The following ENOX1 variants were observed in gnomAD, a reference collection of about 807,000 sequenced individuals.
ENOX1 encodes ecto-NOX disulfide-thiol exchanger 1.
ENOX1 carries 42 observed loss-of-function variants against 82.5 expected under a neutral mutation model. The ratio of observed to expected loss-of-function variants is 0.51; its 90% CI spans 0.40 to 0.66. The LOEUF (loss-of-function observed/expected upper bound fraction) is 0.66, where lower values mean the gene tolerates loss of function less well. ENOX1 is among the 30% of genes least tolerant of loss of function. The probability of loss-of-function intolerance (pLI) is 0.00; values close to 1 mark genes in which losing one functional copy is unlikely to be tolerated. For missense variants in ENOX1, 608 were observed against 811.6 expected, an observed-to-expected ratio of 0.75 and a Z score of 3.05; for synonymous variants, 271 against 282.2, an observed-to-expected ratio of 0.96 and a Z score of 0.40.
At chr13:43,365,213 AC>A (rs1273381292) in intron 5 of ENOX1, among the ~76,000 whole-genome samples, 2 of 152,214 alleles carry the variant, frequency 1.3e-5, no homozygotes, top group African/African-American at 4.8e-5. Context: ...TGAGATGAGA[AC>A]TAGATTTCAT....
intron 5 of ENOX1, among the ~76,000 whole-genome samples, chr13:43,381,749 A>G (rs2052066431): frequency 6.6e-6 from 1 of 151,966 alleles, no homozygotes; most frequent in African/African-American, 2.4e-5. Flanking sequence ...ATTGTATGTC[A>G]ATAAATTTAA....
chr13:43,503,374 C>A (rs775863412), intron 2 of ENOX1, among the ~76,000 whole-genome samples: 6 of 151,460 alleles, frequency 4.0e-5, no homozygotes, highest in Non-Finnish European at 7.4e-5. Context: ...TTTACAGAAA[C>A]AAAAAATACA....
At chr13:43,596,217 CA>C (rs962873296) in intron 2 of ENOX1, among the ~76,000 whole-genome samples, 19 of 152,334 alleles carry the variant, frequency 1.2e-4, no homozygotes, top group African/African-American at 1.7e-4. Context: ...CATCTGGGGA[CA>C]GGGGAAAAGA....
In ENOX1 at chr13:43,716,665, C is replaced by T. The variant is rs2088158563; in HGVS notation, c.-284-49121G>A. ...CTCCACCAAAGGCTCCTGGAACTGACAAACTAATTCAGTTAAATTTCAGGA... is the reference window on the plus strand; with the variant it reads ...CTCCACCAAAGGCTCCTGGAACTGATAAACTAATTCAGTTAAATTTCAGGA... On this transcript the variant is annotated intron_variant, in intron 1 of 16. Coordinates refer to ENST00000690772, the MANE Select transcript of ENOX1 (RefSeq NM_001347969.2). Among the ~76,000 whole-genome samples, 2 of 151,992 alleles carry T rather than the reference C, an allele frequency of 1.3e-5. 1 individual carries two copies. The highest frequency in any genetic ancestry group is 3.9e-4 in the East Asian group (2 of 5,180).
chr13:43,246,877 C>G (rs930633140), intron 14 of ENOX1, among the ~76,000 whole-genome samples: 1 of 151,928 alleles, frequency 6.6e-6, no homozygotes, highest in Non-Finnish European at 1.5e-5. Flanking sequence ...AGAAGCCATT[C>G]GGAAGGAATG....
chr13:43,241,450 G>T lies in ENOX1; in HGVS notation c.1612-4712C>A, dbSNP rs28670200. On this transcript the variant is annotated intron_variant, in intron 14 of 16. Coordinates refer to ENST00000690772, the MANE Select transcript of ENOX1 (RefSeq NM_001347969.2). ...AGGTTACTATGTATGAATTGTTAGT[G>T]GTATACAAAGTACACAGCGGGACGG... 9.5e-3 allele frequency among the ~76,000 whole-genome samples: 1,439 copies of T among 152,214 alleles called. 26 individuals carry two copies. The highest frequency in any genetic ancestry group is 0.033 in the African/African-American group (1,363 of 41,510).
intron 3 of ENOX1, among the ~76,000 whole-genome samples, chr13:43,422,273 T>C (rs1335156785): frequency 2.6e-5 from 4 of 152,224 alleles, no homozygotes; most frequent in African/African-American, 9.6e-5. Flanking sequence ...TGAGACTTCT[T>C]GCAGCTGCTC....
chr13:43,705,330 C>CTCTCTCTATA (rs141765196), intron 1 of ENOX1, among the ~76,000 whole-genome samples: 5 of 129,850 alleles, frequency 3.9e-5, no homozygotes, highest in South Asian at 5.3e-4. Context: ...CTCTCTCTCT[C>CTCTCTCTATA]TATATATATA....
intron 12 of ENOX1, among the ~76,000 whole-genome samples, chr13:43,274,486 A>T (rs539704703): frequency 1.9e-3 from 292 of 152,386 alleles, no homozygotes; most frequent in African/African-American, 6.8e-3. Context: ...GATTTAAGTC[A>T]GCCTTTCTGG....
intron 3 of ENOX1, among the ~76,000 whole-genome samples, chr13:43,450,973 C>G (rs1429967024): frequency 6.6e-6 from 1 of 152,232 alleles, no homozygotes; most frequent in Non-Finnish European, 1.5e-5. Context: ...TGAAACTTCA[C>G]TGTCCACAGG....
chr13:43,639,800 T>A (rs141938489), intron 2 of ENOX1, among the ~76,000 whole-genome samples: 1,746 of 152,278 alleles, frequency 0.011, 106 homozygotes, highest in Admixed American at 0.1. Context: ...AGGCCGAGGC[T>A]GGTGGATCAC....
intron 8 of ENOX1, among the ~76,000 whole-genome samples, chr13:43,352,183 A>C (rs1053727969): frequency 1.3e-5 from 2 of 152,222 alleles, no homozygotes; most frequent in Non-Finnish European, 2.9e-5. Flanking sequence ...GAAATTATGA[A>C]TGTTGATCCC....
intron 2 of ENOX1, among the ~76,000 whole-genome samples, chr13:43,512,573 G>A (rs954730540): frequency 4.7e-5 from 7 of 149,236 alleles, no homozygotes; most frequent in Non-Finnish European, 8.9e-5. Flanking sequence ...AGAATTAAAT[G>A]TTAGAAGTAC....
At chr13:43,781,817 A>C (rs1952284952) in intron 1 of ENOX1, among the ~76,000 whole-genome samples, 1 of 152,180 alleles carries the variant, frequency 6.6e-6, no homozygotes, top group Non-Finnish European at 1.5e-5. Flanking sequence ...GGCCTTGTCC[A>C]CTATTTAAAT....
chr13:43,615,038 G>A (rs1310876948), intron 2 of ENOX1, among the ~76,000 whole-genome samples: 1 of 152,140 alleles, frequency 6.6e-6, no homozygotes, highest in African/African-American at 2.4e-5. Flanking sequence ...TTTGGTGGGG[G>A]ATGGGGAAGT....
At chr13:43,463,741 C>T (rs1039272708) in intron 3 of ENOX1, among the ~76,000 whole-genome samples, 1 of 152,138 alleles carries the variant, frequency 6.6e-6, no homozygotes, top group Non-Finnish European at 1.5e-5. Flanking sequence ...AAAGCCAATG[C>T]TTTTCTTTTA....
intron 3 of ENOX1, among the ~76,000 whole-genome samples, chr13:43,434,936 G>GTTTTTTTTTT (rs1259674451): frequency 2.9e-5 from 2 of 67,842 alleles, no homozygotes; most frequent in African/African-American, 4.5e-5. Context: ...GTGTGTGTGT[G>GTTTTTTTTTT]GTTTTTTTTT....
intron 2 of ENOX1, among the ~76,000 whole-genome samples, chr13:43,622,798 G>A (rs1174477236): frequency 2.0e-5 from 3 of 152,014 alleles, no homozygotes; most frequent in Non-Finnish European, 4.4e-5. Flanking sequence ...GGAATGGGTG[G>A]TGGGGTGGGG....
chr13:43,407,790 C>T (rs958603978), intron 5 of ENOX1, among the ~76,000 whole-genome samples: 6 of 151,994 alleles, frequency 3.9e-5, no homozygotes, highest in African/African-American at 7.2e-5. Context: ...CAGTGGAACA[C>T]GAATGTTCCA....
Sources: allele counts gnomAD v4.1 joint callset (sites outside exome capture counted in the v4.1 genomes callset), GRCh38; gene constraint gnomAD v4.1.1; transcripts MANE v1.5; gene names NCBI Gene and HGNC (gene_info 2026-07-23, HGNC 2026-07-21).